Variants in RGL2 observed in about 807,000 individuals in gnomAD.
The protein encoded by RGL2 is ral guanine nucleotide dissociation stimulator-like 2.
RGL2 carries 40 observed loss-of-function variants against 84.6 expected under a neutral mutation model. The observed-to-expected ratio is 0.47, with a 90% CI of 0.37 to 0.62. RGL2 has a LOEUF of 0.62. Among genes scored for constraint, RGL2 ranks in the 20% least tolerant of loss-of-function variants. The pLI, the probability that RGL2 is intolerant of heterozygous loss-of-function variation, is 0.00. For synonymous variants in RGL2, 369 were observed against 417.3 expected (o/e 0.88, Z 1.41); for missense variants, 865 against 1,019.7 (o/e 0.85, Z 2.07).
rs1454090230 is a variant in RGL2 at position 33,295,092 on chromosome 6, A to T, written c.1209+35T>A. On this transcript the variant is annotated intron_variant, in intron 9 of 17. Transcript: ENST00000497454. This position sits in a 1 kb window ranked among gnomAD's most constrained non-coding sequence, Gnocchi z 7.2. ...AGACATGGGGGAGCAGTAGGGAACAAGGAGAGGTGGGAATGCCACAAACCA... is the reference window on the plus strand; with the variant it reads ...AGACATGGGGGAGCAGTAGGGAACATGGAGAGGTGGGAATGCCACAAACCA... The T allele has an allele frequency of 6.3e-7, 1 of 1,598,252 alleles. No individual in the cohort carries two copies. The highest frequency in any genetic ancestry group is 8.5e-7 in the Non-Finnish European group (1 of 1,171,734).
upstream of RGL2, chr6:33,301,140 T>C (rs1164774826): frequency 1.3e-5 from 2 of 152,364 alleles, no homozygotes; most frequent in Admixed American, 6.5e-5. Context: ...ACCATAAATA[T>C]TGATAGCTAT....
rs1767515492 is a variant in RGL2, at chr6:33,292,564, A to T, written c.2008-20T>A. 1 of 1,578,492 alleles carries T rather than the reference A, an allele frequency of 6.3e-7. No individual in the cohort carries two copies. The highest frequency in any genetic ancestry group is 8.7e-7 in the Non-Finnish European group (1 of 1,147,730). On this transcript the variant is annotated intron_variant, in intron 16 of 17. Transcript: ENST00000497454. ...TGTCACCTGGCAGAACAGGAGACCA[A>T]AAGAGCAATCAATCAGCCATGATTT...
At chr6:33,292,366 G>A in intron 17 of RGL2, 53 bp from the exon 18 acceptor site, 1 of 1,605,696 alleles carries the variant, frequency 6.2e-7, no homozygotes, top group Non-Finnish European at 8.5e-7. Flanking sequence ...TCCCCCCACA[G>A]CCGCCCAGAT....
rs1767724128 is a variant in RGL2, at chr6:33,294,318, T to A, written c.1354-252A>T. On this transcript the variant is annotated intron_variant, in intron 11 of 17. Coordinates refer to ENST00000497454, the MANE Select transcript of RGL2 (RefSeq NM_004761.5). The surrounding 1 kb of genome is among the most constrained non-coding windows in gnomAD (Gnocchi z 5.0). ...TTGCAGATGAGAGGACTGGATAGTA[T>A]CCAATTCGACAGGATTCCTTATCCA... Among the ~76,000 whole-genome samples, 1 of 152,000 alleles carries A rather than the reference T, an allele frequency of 6.6e-6. No individual in the cohort carries two copies. Among genetic ancestry groups the A allele is most frequent in the Non-Finnish European group, 1.5e-5 (1 of 68,004 alleles).
Position 33,293,802 on chromosome 6 carries a change from C to T in RGL2, c.1501G>A (p.Ala501Thr). 6.2e-7 allele frequency: 1 copy of T among 1,614,192 alleles called. No homozygotes were observed. The highest frequency in any genetic ancestry group is 1.3e-5 in the African/African-American group (1 of 75,040). Residue 501 changes from alanine (A) to threonine (T), a missense_variant, in exon 13 of 18, where the codon GCT (alanine) becomes ACT (threonine). Physicochemically the swap from Ala to Thr is moderately conservative, Grantham distance 58. This residue lies in a region of RGL2 where 75 missense variants were observed against 130.8 expected (regional missense o/e 0.57). Coordinates refer to ENST00000497454, the MANE Select transcript of RGL2 (RefSeq NM_004761.5). The surrounding 1 kb of genome is among the most constrained non-coding windows in gnomAD (Gnocchi z 7.0). ...WLQGLRPLTE[A>T]QSHRVSCEVE... ...ACCTCACCCGCCAGTCACCTCTGAG[C>T]CTCTGTCAGTGGCCGGAGCCCCTGT...
chr6:33,292,547 G>A lies in RGL2; in HGVS notation c.2008-3C>T. 6.2e-7 allele frequency: 1 copy of A among 1,611,268 alleles called. No homozygotes were observed. On this transcript the variant is annotated splice_region_variant and splice_polypyrimidine_tract_variant and intron_variant, in intron 16 of 17. Transcript: ENST00000497454. ...GGAGCCTTGTCCTGGCTTGTCACCT[G>A]GCAGAACAGGAGACCAAAAGAGCAA...
At position 33,292,668 on chromosome 6, in the gene RGL2, C is replaced by T. The variant is rs560775129; in HGVS notation, c.2008-124G>A. 5.0e-5 allele frequency: 42 copies of T among 838,198 alleles called. 1 individual carries two copies. The South Asian group carries it at 6.6e-4, about 13-fold the overall frequency. The allele number at this position is 838,198 out of a possible 1,614,324, so 51.9% of individuals were successfully genotyped here. ...CAAGGCTTTAAAATGAACAGGAAAA[C>T]CCAATATGGTGGCTTCCTATACCCC... On this transcript the variant is annotated intron_variant, in intron 16 of 17. Transcript: ENST00000497454.
chr6:33,299,174 C>T (rs1205693511), upstream of RGL2: 1 of 152,324 alleles, frequency 6.6e-6, no homozygotes, highest in Non-Finnish European at 1.5e-5. This position sits in a 1 kb window ranked among gnomAD's most constrained non-coding sequence, Gnocchi z 5.0. Flanking sequence ...CTCGGGGATT[C>T]TGGAGACCAC....
rs1275077157 is a variant in RGL2 at position 33,293,914 on chromosome 6, C to T, written c.1389G>A (p.Glu463=). 1.2e-6 allele frequency: 2 copies of T among 1,614,104 alleles called. No individual in the cohort carries two copies. Among genetic ancestry groups the T allele is most frequent in the East Asian group, 2.2e-5 (1 of 44,876 alleles). Residue 463 remains glutamate (E), a splice_region_variant and synonymous_variant, in exon 13 of 18, where the codon GAG becomes GAA. Coordinates refer to ENST00000497454, the MANE Select transcript of RGL2 (RefSeq NM_004761.5). This position sits in a 1 kb window ranked among gnomAD's most constrained non-coding sequence, Gnocchi z 7.0. ...GTCGCAACTCAGAAAGGACTGCAAA[C>T]TCCTGGGAAGGAGCCCTCAAACTGC... ...GYINFDKRRK[E]FAVLSELRRL...
rs200092425 is a variant in RGL2 at position 33,292,424 on chromosome 6, T to A, written c.2122+6A>T. On this transcript the variant is annotated splice_donor_region_variant and intron_variant, in intron 17 of 17. Transcript: ENST00000497454. Reference sequence around the variant, plus strand: ...CCGAGTCTGCCTTTCCCTCATGGCCTCTGACCTCGCTCCCCTGGTAGCAGC... The same window carrying A: ...CCGAGTCTGCCTTTCCCTCATGGCCACTGACCTCGCTCCCCTGGTAGCAGC... 1 of 1,613,872 alleles carries A rather than the reference T, an allele frequency of 6.2e-7. No individual in the cohort carries two copies. Among genetic ancestry groups the A allele is most frequent in the Non-Finnish European group, 8.5e-7 (1 of 1,179,782 alleles).
At chr6:33,301,461 C>G, upstream of RGL2, 1 of 400,754 alleles carries the variant, frequency 2.5e-6, no homozygotes, top group South Asian at 3.7e-5. Flanking sequence ...GTAATCCCAG[C>G]TACTCCGGAG....
chr6:33,292,885 C>A, intron 16 of RGL2, 131 bp downstream of exon 16: 1 of 1,137,284 alleles, frequency 8.8e-7, no homozygotes, highest in Non-Finnish European at 1.3e-6. Context: ...AAAAATAAAA[C>A]ATAACTGCCA....
chr6:33,292,983 C>T (rs758256399), intron 16 of RGL2, 33 bp downstream of exon 16: 2 of 1,613,592 alleles, frequency 1.2e-6, no homozygotes, highest in South Asian at 1.1e-5. Flanking sequence ...AGACACCATC[C>T]TTCACCCCAA....
rs770400622 is a variant in RGL2, at chr6:33,296,195, C to T, written c.601G>A (p.Gly201Arg). ...CGGATGAGGTCAGCGCTGCCCCCCC[C>T]AACACCCTTCCCTGCTGCATACCCT... is the stretch of plus-strand genomic sequence containing the variant. ...QTGYAAGKGV[G>R]GGSADLIRNL... Residue 201 changes from glycine to arginine, a missense_variant, in exon 6 of 18, where the codon GGG (glycine) becomes AGG (arginine). Transcript: ENST00000497454. This position sits in a 1 kb window ranked among gnomAD's most constrained non-coding sequence, Gnocchi z 5.0. 9 of 1,613,866 alleles carry T rather than the reference C, an allele frequency of 5.6e-6. No homozygotes were observed. The South Asian group carries it at 8.8e-5, about 16-fold the overall frequency.
rs1432678639 is a variant in RGL2, at chr6:33,293,744, TC to T, written c.1509-46del. The T allele has an allele frequency of 1.9e-6, 3 of 1,612,256 alleles. No individual in the cohort carries two copies. The Admixed American group carries it at 5.0e-5, about 27-fold the overall frequency. On this transcript the variant is annotated intron_variant, in intron 13 of 17. Transcript: ENST00000497454. The surrounding 1 kb of genome is among the most constrained non-coding windows in gnomAD (Gnocchi z 7.0). The stretch of plus-strand genomic sequence containing the variant: ...GGCAGAGCTCAGGACATGACACCAA[TC>T]CCCCACACCTGGCCAGAACCCTGGA...
In RGL2 at chr6:33,293,813, G is replaced by A. The variant is rs1767673147; in HGVS notation, c.1490C>T (p.Pro497Leu). The A allele has an allele frequency of 6.2e-7, 1 of 1,614,024 alleles. No homozygotes were observed. Among genetic ancestry groups the A allele is most frequent in the African/African-American group, 1.3e-5 (1 of 74,892 alleles). Residue 497 changes from proline to leucine, a missense_variant, in exon 13 of 18, where the codon CCA becomes CTA. By Grantham distance (98) the Pro-to-Leu change is moderately conservative (BLOSUM62 -3). Transcript: ENST00000497454. The surrounding 1 kb of genome is among the most constrained non-coding windows in gnomAD (Gnocchi z 7.0). ...CAGTCACCTCTGAGCCTCTGTCAGTGGCCGGAGCCCCTGTAGCCACCTCTG... is the reference window on the plus strand; with the variant it reads ...CAGTCACCTCTGAGCCTCTGTCAGTAGCCGGAGCCCCTGTAGCCACCTCTG... Reference protein sequence around the residue: ...DIQRWLQGLRPLTEAQSHRVS... With the variant: ...DIQRWLQGLRLLTEAQSHRVS...
chr6:33,292,906 T>G lies in RGL2; in HGVS notation c.2007+110A>C, dbSNP rs1400761921. ...AAAACATAACTGCCAAAACCAAAGGTCAAAATTAAAACTACATTCAATTCC... is the reference window on the plus strand; with the variant it reads ...AAAACATAACTGCCAAAACCAAAGGGCAAAATTAAAACTACATTCAATTCC... On this transcript the variant is annotated intron_variant, in intron 16 of 17. Coordinates refer to ENST00000497454, the MANE Select transcript of RGL2 (RefSeq NM_004761.5). 3.0e-6 allele frequency: 4 copies of G among 1,345,230 alleles called. No individual in the cohort carries two copies. In the Admixed American group the frequency reaches 8.7e-5, roughly 29 times the overall value. 83.3% of individuals were successfully genotyped at this position (1,345,230 alleles called of 1,614,324 possible).
chr6:33,295,994 C>T lies in RGL2; in HGVS notation c.768+34G>A. ...AGTCAAGGAGAGGTTAGTAAGGGGT[C>T]AGGGGGCATAGGGGCCAGAGGTCAG... is the stretch of plus-strand genomic sequence containing the variant. On this transcript the variant is annotated intron_variant, in intron 6 of 17. Coordinates refer to ENST00000497454, the MANE Select transcript of RGL2 (RefSeq NM_004761.5). The surrounding 1 kb of genome is among the most constrained non-coding windows in gnomAD (Gnocchi z 7.2). The T allele has an allele frequency of 6.2e-7, 1 of 1,611,692 alleles. No individual in the cohort carries two copies. Among genetic ancestry groups the T allele is most frequent in the Non-Finnish European group, 8.5e-7 (1 of 1,178,768 alleles).
chr6:33,293,508 C>T lies in RGL2; in HGVS notation c.1621G>A (p.Gly541Arg), dbSNP rs1339001215. ...SQWTEVLGSV[G>R]VPTPLVSCDR... is the part of the protein sequence containing the mutation. ...CAGGACACAAGCGGGGTAGGGACCC[C>T]AACAGAGCCCAAAACCCTGCAGTGG... Residue 541 changes from glycine to arginine, a missense_variant, in exon 15 of 18, where the codon GGG becomes AGG. Coordinates refer to ENST00000497454, the MANE Select transcript of RGL2 (RefSeq NM_004761.5). The surrounding 1 kb of genome is among the most constrained non-coding windows in gnomAD (Gnocchi z 7.0). 6.2e-7 allele frequency: 1 copy of T among 1,613,714 alleles called. No homozygotes were observed. The highest frequency in any genetic ancestry group is 8.5e-7 in the Non-Finnish European group (1 of 1,179,876).
Sources: gnomAD v4.1 joint callset for allele counts (sites outside exome capture counted in the v4.1 genomes callset) on GRCh38, gnomAD v4.1.1 for gene constraint, gnomAD v4.1.1 regional missense constraint, Gnocchi (gnomAD v3.1) non-coding constraint, MANE v1.5 for transcripts, NCBI Gene and HGNC (gene_info 2026-07-23, HGNC 2026-07-21) for gene names.